SCRN1: variants seen among roughly 807,000 people sequenced by gnomAD.
SCRN1 encodes the protein secernin 1.
In SCRN1, 19 loss-of-function variants were observed where a neutral mutation model predicts 43.3. That is an observed-to-expected ratio of 0.44 (90% CI 0.31 to 0.64). The LOEUF is 0.64. SCRN1 is among the 30% of genes least tolerant of loss of function. SCRN1 has a pLI of 0.09. For synonymous variants in SCRN1, 183 were observed against 188.9 expected (o/e 0.97, Z 0.26); for missense variants, 447 against 524.1 (o/e 0.85, Z 1.44).
chr7:29,938,036 C>CT lies in SCRN1; in HGVS notation c.740-1316dup, dbSNP rs1156512546. On this transcript the variant is annotated intron_variant, in intron 5 of 7. Transcript: ENST00000242059. The stretch of plus-strand genomic sequence containing the variant: ...TGCCTCTTGTTTTTTCCCCTTGCAT[C>CT]TTTTTTTTTTGAGATGGAGTCTCGT... Among the ~76,000 whole-genome samples, 214 of 149,392 alleles carry CT rather than the reference C, an allele frequency of 1.4e-3. 1 individual carries two copies. Among genetic ancestry groups the CT allele is most frequent in the African/African-American group, 4.7e-3 (191 of 40,830 alleles).
At chr7:29,966,175 G>GAC (rs1305204243) in intron 2 of SCRN1, among the ~76,000 whole-genome samples, 1 of 148,390 alleles carries the variant, frequency 6.7e-6, no homozygotes, top group Non-Finnish European at 1.5e-5. Context: ...GAGAGAGAGA[G>GAC]AGAGAGAGAG....
At chr7:29,990,031 T>G (rs1789318456), upstream of SCRN1, 2 of 1,469,300 alleles carry the variant, frequency 1.4e-6, no homozygotes, top group Non-Finnish European at 1.8e-6. Flanking sequence ...TGCTAGATTT[T>G]TATTTCTTGG....
chr7:29,965,425 G>T lies in SCRN1; in HGVS notation c.159+3484C>A, dbSNP rs1012956038. ...AGTCAGGGGCAGCGGGGAGGAGATG[G>T]ACAAACAAGAGAGGGGGCAGCGGGA... On this transcript the variant is annotated intron_variant, in intron 2 of 7. Transcript: ENST00000242059. This position sits in a 1 kb window ranked among gnomAD's most constrained non-coding sequence, Gnocchi z 4.2. Among the ~76,000 whole-genome samples the T allele has an allele frequency of 6.6e-6, 1 of 152,110 alleles. No homozygotes were observed. The highest frequency in any genetic ancestry group is 2.4e-5 in the African/African-American group (1 of 41,416).
At chr7:29,941,084 A>G (rs968093656) in intron 4 of SCRN1, among the ~76,000 whole-genome samples, 3 of 152,218 alleles carry the variant, frequency 2.0e-5, no homozygotes, top group African/African-American at 7.2e-5. Flanking sequence ...ACTGGGCATT[A>G]TCACATTTTA....
chr7:29,936,973 G>A (rs1336185933), intron 5 of SCRN1, among the ~76,000 whole-genome samples: 1 of 152,194 alleles, frequency 6.6e-6, no homozygotes, highest in Non-Finnish European at 1.5e-5. Context: ...GTGAACCCGG[G>A]AGGCAGAGTT....
At chr7:29,959,417 T>C (rs1391949002) in intron 2 of SCRN1, among the ~76,000 whole-genome samples, 1 of 152,110 alleles carries the variant, frequency 6.6e-6, no homozygotes, top group Non-Finnish European at 1.5e-5. Flanking sequence ...TATATATGTG[T>C]GTGTGTGTAT....
chr7:29,948,799 G>A (rs925369039), intron 3 of SCRN1, among the ~76,000 whole-genome samples: 1 of 152,244 alleles, frequency 6.6e-6, no homozygotes. Flanking sequence ...TAGGGATTTT[G>A]AGCCAGTTCT....
chr7:29,988,043 G>C (rs549632381), intron 1 of SCRN1, among the ~76,000 whole-genome samples: 6 of 151,536 alleles, frequency 4.0e-5, no homozygotes, highest in East Asian at 1.9e-4. Flanking sequence ...AAGAAAGGCT[G>C]TTTAAAAAAA....
chr7:29,936,817 C>T lies in SCRN1; in HGVS notation c.740-96G>A, dbSNP rs1463910058. 2.3e-5 allele frequency: 22 copies of T among 973,428 alleles called. No homozygotes were observed. In the South Asian group the frequency reaches 3.7e-4, roughly 16 times the overall value. The allele number at this position is 973,428 out of a possible 1,614,324, so 60.3% of individuals were successfully genotyped here. A position where few individuals can be genotyped will look rare whatever the true frequency, so the allele number is the denominator to read the frequency against. On this transcript the variant is annotated intron_variant, in intron 5 of 7. Transcript: ENST00000242059. The stretch of plus-strand genomic sequence containing the variant: ...ATCCCAGCACTTTGGGAGGCCGAGG[C>T]GGGCGGATCACGAGGTCAGGAGATC...
intron 2 of SCRN1, among the ~76,000 whole-genome samples, chr7:29,956,288 G>A (rs1407716896): frequency 1.3e-5 from 2 of 152,060 alleles, no homozygotes; most frequent in Non-Finnish European, 2.9e-5. Flanking sequence ...CCCTCCCCAC[G>A]TTGTGACCCA....
At chr7:29,981,227 A>G (rs2127931652) in intron 1 of SCRN1, among the ~76,000 whole-genome samples, 1 of 152,296 alleles carries the variant, frequency 6.6e-6, no homozygotes, top group East Asian at 1.9e-4. Context: ...GAAAGAGGTG[A>G]AAAAGATACT....
upstream of SCRN1, chr7:29,990,260 T>C (rs1269546431): frequency 6.4e-7 from 1 of 1,551,576 alleles, no homozygotes; most frequent in Non-Finnish European, 8.7e-7. Context: ...CCAGACCCTG[T>C]CCCAGGTACT....
In SCRN1 at chr7:29,923,448, C is replaced by G. The variant is rs1350099161; in HGVS notation, c.*509G>C. On this transcript the variant is annotated 3_prime_UTR_variant, in exon 8 of 8. Transcript: ENST00000242059. ...AAGACACCTGTAGAGACACTGTGCA[C>G]TACAGGCATGCACTCACGGGAGGCC... The G allele has an allele frequency of 6.4e-6, 1 of 155,474 alleles. No homozygotes were observed. The highest frequency in any genetic ancestry group is 1.9e-4 in the East Asian group (1 of 5,256). 9.6% of individuals were successfully genotyped at this position (155,474 alleles called of 1,614,324 possible).
chr7:29,925,633 T>A (rs1786922281), intron 7 of SCRN1, among the ~76,000 whole-genome samples: 1 of 152,196 alleles, frequency 6.6e-6, no homozygotes, highest in African/African-American at 2.4e-5. Context: ...CTTGTTTGAA[T>A]TGATGACTTA....
chr7:29,922,366 A>G lies in SCRN1; in HGVS notation c.*1591T>C, dbSNP rs763413547. ...CCTCTGATCCTCACTGTTCACATCC[A>G]TGTAACAGGGCTCGGTCCCCTCAAA... On this transcript the variant is annotated 3_prime_UTR_variant, in exon 8 of 8. Coordinates refer to ENST00000242059, the MANE Select transcript of SCRN1 (RefSeq NM_014766.5). The G allele has an allele frequency of 6.6e-6, 1 of 152,218 alleles. No individual in the cohort carries two copies. The highest frequency in any genetic ancestry group is 1.5e-5 in the Non-Finnish European group (1 of 68,020). 9.4% of individuals were successfully genotyped at this position (152,218 alleles called of 1,614,324 possible). A position where few individuals can be genotyped will look rare whatever the true frequency, so the allele number is the denominator to read the frequency against.
intron 2 of SCRN1, 104 bp from the exon 3 acceptor site, chr7:29,955,464 CA>C: frequency 8.8e-7 from 1 of 1,141,806 alleles, no homozygotes. Context: ...CAAACAGAGC[CA>C]AAAAATAAAA....
chr7:29,943,404 C>T (rs1330799085), intron 4 of SCRN1, among the ~76,000 whole-genome samples: 1 of 152,164 alleles, frequency 6.6e-6, no homozygotes, highest in African/African-American at 2.4e-5. Context: ...GCTGCACGGG[C>T]CACAGAGCAG....
chr7:29,978,971 C>A (rs1788913590), intron 1 of SCRN1, among the ~76,000 whole-genome samples: 1 of 152,224 alleles, frequency 6.6e-6, no homozygotes, highest in Admixed American at 6.5e-5. Flanking sequence ...TACATTTATT[C>A]ATAGGTAACT....
chr7:29,936,821 C>A, intron 5 of SCRN1, 100 bp from the exon 6 acceptor site: 1 of 932,718 alleles, frequency 1.1e-6, no homozygotes, highest in Non-Finnish European at 1.5e-6. Context: ...CCGAGGCGGG[C>A]GGATCACGAG....
Sources: allele counts gnomAD v4.1 joint callset (sites outside exome capture counted in the v4.1 genomes callset), GRCh38; gene constraint gnomAD v4.1.1; non-coding constraint Gnocchi (gnomAD v3.1); transcripts MANE v1.5; gene names NCBI Gene and HGNC (gene_info 2026-07-23, HGNC 2026-07-21).